SOX5: variants seen among roughly 807,000 people sequenced by gnomAD.
The protein encoded by SOX5 is SRY-box transcription factor 5.
In SOX5, 9 loss-of-function variants were observed where a neutral mutation model predicts 92.0. That is an observed-to-expected ratio of 0.10 (90% CI 0.06 to 0.17). SOX5 has a LOEUF of 0.17. SOX5 is among the 10% of genes least tolerant of loss of function. The pLI is 1.00. For missense variants in SOX5, 642 were observed against 944.5 expected (o/e 0.68, Z 4.20); for synonymous variants, 344 against 336.3 (o/e 1.02, Z -0.25).
chr12:24,175,921 C>T (rs1309306522), intron 4 of SOX5, among the ~76,000 whole-genome samples: 4 of 152,152 alleles, frequency 2.6e-5, no homozygotes, highest in African/African-American at 9.6e-5. Context: ...GAACAGCCAA[C>T]TGGGCAATGA....
chr12:23,563,222 A>G, intron 11 of SOX5, 36 bp downstream of exon 11: 1 of 1,517,706 alleles, frequency 6.6e-7, no homozygotes, highest in Non-Finnish European at 9.0e-7. Flanking sequence ...AATTTAATTA[A>G]GTATTTCTAG....
chr12:23,902,756 G>T (rs904192357), intron 1 of SOX5, among the ~76,000 whole-genome samples: 4 of 152,064 alleles, frequency 2.6e-5, no homozygotes, highest in African/African-American at 7.2e-5. Flanking sequence ...CAAAATTAAT[G>T]CAAAGGATGT....
intron 3 of SOX5, among the ~76,000 whole-genome samples, chr12:23,836,024 A>G (rs1025780873): frequency 6.6e-6 from 1 of 151,854 alleles, no homozygotes; most frequent in Non-Finnish European, 1.5e-5. Flanking sequence ...ATTATTTAAT[A>G]TTGCAGTTAA....
intron 4 of SOX5, among the ~76,000 whole-genome samples, chr12:24,156,680 T>C (rs1199662983): frequency 1.3e-5 from 2 of 152,140 alleles, no homozygotes; most frequent in Non-Finnish European, 2.9e-5. Context: ...CAAAGATAAA[T>C]ATACATCTTA....
At chr12:23,661,976 T>A (rs1224768249) in intron 7 of SOX5, among the ~76,000 whole-genome samples, 1 of 152,148 alleles carries the variant, frequency 6.6e-6, no homozygotes, top group African/African-American at 2.4e-5. Flanking sequence ...AACAGCTAAG[T>A]TGACAGTTTT....
intron 1 of SOX5, among the ~76,000 whole-genome samples, chr12:24,385,929 A>C (rs1361622059): frequency 7.0e-6 from 1 of 142,424 alleles, no homozygotes. Context: ...CTTGTCACAA[A>C]AAAAAAAAAA....
At chr12:23,709,082 A>G (rs949934698) in intron 6 of SOX5, among the ~76,000 whole-genome samples, 2 of 152,094 alleles carry the variant, frequency 1.3e-5, no homozygotes, top group African/African-American at 4.8e-5. Flanking sequence ...AAATGGGTTC[A>G]GGGAATCTTT....
Position 24,405,858 on chromosome 12 carries a change from G to T in SOX5, c.-250-37219C>A, listed in dbSNP as rs1962815533. ...AGGATCAACAGAAGGGAGAGGAGGGGAAGAGGCTTTAAGAGGCTATTGGAT... is the reference window on the plus strand; with the variant it reads ...AGGATCAACAGAAGGGAGAGGAGGGTAAGAGGCTTTAAGAGGCTATTGGAT... On this transcript the variant is annotated intron_variant, in intron 1 of 4. Coordinates refer to the SOX5 transcript ENST00000446891. 2.6e-5 allele frequency among the ~76,000 whole-genome samples: 4 copies of T among 152,204 alleles called. No homozygotes were observed. In the South Asian group the frequency reaches 8.3e-4, roughly 31 times the overall value.
chr12:23,892,145 A>AAT (rs2097135626), intron 2 of SOX5, among the ~76,000 whole-genome samples: 1 of 152,204 alleles, frequency 6.6e-6, no homozygotes, highest in South Asian at 2.1e-4. Flanking sequence ...ATCATGAGAA[A>AAT]ATATATAAAT....
chr12:23,840,529 T>C (rs1436663790), intron 3 of SOX5, among the ~76,000 whole-genome samples: 2 of 152,048 alleles, frequency 1.3e-5, no homozygotes, highest in African/African-American at 4.8e-5. Context: ...ACCAACACAA[T>C]GTTGAAGAAA....
chr12:23,864,587 T>TATCCTTAATATAAAGTTCTCTC (rs2096791550), intron 2 of SOX5, among the ~76,000 whole-genome samples: 1 of 152,162 alleles, frequency 6.6e-6, no homozygotes, highest in South Asian at 2.1e-4. Flanking sequence ...TAAAGTTGTA[T>TATCCTTAATATAAAGTTCTCTC]TGGTCTGGAG....
intron 4 of SOX5, among the ~76,000 whole-genome samples, chr12:24,053,796 T>C (rs1237664758): frequency 3.9e-5 from 6 of 152,214 alleles, no homozygotes; most frequent in African/African-American, 7.2e-5. Context: ...ATAGCTTTCA[T>C]TGAGTGTTAT....
chr12:23,874,482 T>C (rs1266402745), intron 2 of SOX5, among the ~76,000 whole-genome samples: 3 of 152,044 alleles, frequency 2.0e-5, no homozygotes, highest in Non-Finnish European at 4.4e-5. Flanking sequence ...TTTTAAAATT[T>C]CCCTAAAATG....
At chr12:23,679,386 C>CGCTGCT (rs201479110) in intron 6 of SOX5, among the ~76,000 whole-genome samples, 2 of 152,002 alleles carry the variant, frequency 1.3e-5, no homozygotes, top group Non-Finnish European at 2.9e-5. Flanking sequence ...ATACCACTGA[C>CGCTGCT]GCTGCTGCTG....
chr12:24,064,939 A>G (rs1940406189), intron 4 of SOX5, among the ~76,000 whole-genome samples: 1 of 152,246 alleles, frequency 6.6e-6, no homozygotes, highest in Non-Finnish European at 1.5e-5. Flanking sequence ...AAGTTTATAT[A>G]CATATATTCC....
chr12:24,179,157 A>G (rs901581677), intron 4 of SOX5, among the ~76,000 whole-genome samples: 1 of 152,210 alleles, frequency 6.6e-6, no homozygotes, highest in Admixed American at 6.5e-5. Flanking sequence ...AGCTAAATAA[A>G]CATTTAACAT....
intron 6 of SOX5, among the ~76,000 whole-genome samples, chr12:23,675,891 T>C (rs138587034): frequency 1.4e-4 from 21 of 152,266 alleles, no homozygotes; most frequent in African/African-American, 4.8e-4. Flanking sequence ...CCAATAGGTA[T>C]GGTAATACCT....
chr12:23,950,339 T>C (rs1408580356), upstream of SOX5, among the ~76,000 whole-genome samples: 1 of 151,780 alleles, frequency 6.6e-6, no homozygotes, highest in African/African-American at 2.4e-5. Context: ...CTTTGACAGA[T>C]TGAAATATAG....
At chr12:23,987,591 G>A (rs531137235) in intron 4 of SOX5, among the ~76,000 whole-genome samples, 10 of 152,254 alleles carry the variant, frequency 6.6e-5, no homozygotes, top group Admixed American at 1.3e-4. Context: ...CTGGGAGTTC[G>A]AGAGCAGCCT....
Sources: allele counts gnomAD v4.1 joint callset (sites outside exome capture counted in the v4.1 genomes callset), GRCh38; gene constraint gnomAD v4.1.1; transcripts MANE v1.5; gene names NCBI Gene and HGNC (gene_info 2026-07-23, HGNC 2026-07-21).